The following LTN1 variants were observed in gnomAD, a reference collection of about 807,000 sequenced individuals.
LTN1 encodes the protein E3 ubiquitin-protein ligase listerin.
A neutral mutation model predicts 201.2 loss-of-function variants in LTN1; 88 were observed. That is an observed-to-expected ratio of 0.44 (90% CI 0.37 to 0.52). The LOEUF (loss-of-function observed/expected upper bound fraction) is 0.52. LTN1 is among the 20% of genes least tolerant of loss of function. The pLI is 0.00. For synonymous variants in LTN1, 645 were observed against 713.5 expected, an observed-to-expected ratio of 0.90 and a Z score of 1.53; for missense variants, 1,752 against 2,038.7, an observed-to-expected ratio of 0.86 and a Z score of 2.71.
rs763692146 is a variant in LTN1 at position 28,986,183 on chromosome 21, C to T, written c.301G>A (p.Gly101Arg). The T allele has an allele frequency of 6.2e-6, 10 of 1,613,556 alleles. No homozygotes were observed. Among genetic ancestry groups the T allele is most frequent in the Non-Finnish European group, 8.5e-6 (10 of 1,179,556 alleles). ...ATTCTTGGCCAATATGGAAGAACTC[C>T]TTTCACAGTTTCTGTGTCTCTCTCT... Reference protein sequence around the residue: ...CTERDTETVKGVLPYWPRIFC... With the variant: ...CTERDTETVKRVLPYWPRIFC... The change falls in exon 3 of 30, where the codon GGA becomes AGA. Residue 101 changes from glycine to arginine, a missense_variant. Around this residue, in one of 3 missense-constraint regions of LTN1, gnomAD observed 280 missense variants for 375.7 expected, o/e 0.75. Coordinates refer to ENST00000361371, the MANE Select transcript of LTN1 (RefSeq NM_015565.3). The surrounding 1 kb of genome is among the most constrained non-coding windows in gnomAD (Gnocchi z 4.1).
intron 24 of LTN1, among the ~76,000 whole-genome samples, chr21:28,942,791 T>C (rs1008882491): frequency 4.6e-5 from 7 of 152,134 alleles, no homozygotes; most frequent in Admixed American, 2.0e-4. Context: ...CTATCTTATA[T>C]AGGCCTAACT....
chr21:28,968,019 A>G (rs1360773738), intron 9 of LTN1: 1 of 152,198 alleles, frequency 6.6e-6, no homozygotes, highest in Non-Finnish European at 1.5e-5. Flanking sequence ...CACTCACAGA[A>G]GGTAAAAAAT....
At chr21:28,948,705 G>T (rs2084360925) in intron 18 of LTN1, among the ~76,000 whole-genome samples, 1 of 152,078 alleles carries the variant, frequency 6.6e-6, no homozygotes, top group Non-Finnish European at 1.5e-5. Flanking sequence ...CTGTTTTAAA[G>T]CTACGTAACA....
chr21:28,943,270 CTCT>C lies in LTN1; in HGVS notation c.4284_4286del (p.Glu1429del), dbSNP rs768533180. The stretch of plus-strand genomic sequence containing the variant: ...ATTTAAAAAAACCTTACAAGGCTGG[CTCT>C]TCTTCTTCATCTCCGTATGACTTTA... On this transcript the variant is annotated inframe_deletion, in exon 24 of 30. Transcript: ENST00000361371. 51 of 1,594,196 alleles carry C rather than the reference CTCT, an allele frequency of 3.2e-5. No homozygotes were observed. The highest frequency in any genetic ancestry group is 4.1e-5 in the Non-Finnish European group (48 of 1,165,416).
intron 13 of LTN1, 48 bp from the exon 14 acceptor site, chr21:28,958,587 C>A (rs780116598): frequency 5.2e-6 from 7 of 1,349,234 alleles, no homozygotes; most frequent in Non-Finnish European, 7.2e-6. Flanking sequence ...TGAATTAACT[C>A]TCATCAGCAC....
intron 5 of LTN1, among the ~76,000 whole-genome samples, chr21:28,982,017 C>G (rs1489673699): frequency 6.6e-6 from 1 of 152,166 alleles, no homozygotes; most frequent in East Asian, 1.9e-4. Context: ...GAGTTCGAGA[C>G]TAGCTTGACC....
At chr21:28,980,399 G>T (rs8127998) in intron 6 of LTN1, among the ~76,000 whole-genome samples, 2,732 of 107,582 alleles carry the variant, frequency 0.025, 111 homozygotes, top group African/African-American at 0.092. Flanking sequence ...ATGGTGGGGT[G>T]GGGGGAGGGG....
At chr21:28,958,276 C>T (rs1234262553) in intron 14 of LTN1, 110 bp downstream of exon 14, 18 of 1,006,090 alleles carry the variant, frequency 1.8e-5, no homozygotes, top group East Asian at 1.6e-4. Context: ...ATTATAGGGA[C>T]GAGCCCTACA....
rs763543337 is a variant in LTN1 at position 28,986,307 on chromosome 21, G to A, written c.247-70C>T. On this transcript the variant is annotated intron_variant, in intron 2 of 29. Coordinates refer to ENST00000361371, the MANE Select transcript of LTN1 (RefSeq NM_015565.3). The surrounding 1 kb of genome is among the most constrained non-coding windows in gnomAD (Gnocchi z 4.1). ...ACTGGCTATAGATTATTCTGTTCTG[G>A]AAGCTTTGTCTATTTTATGTAATAG... is the stretch of plus-strand genomic sequence containing the variant. 4 of 943,024 alleles carry A rather than the reference G, an allele frequency of 4.2e-6. No individual in the cohort carries two copies. The African/African-American group carries it at 4.9e-5, about 12-fold the overall frequency. 58.4% of individuals were successfully genotyped at this position (943,024 alleles called of 1,614,324 possible).
chr21:28,935,366 T>A, intron 26 of LTN1, 37 bp from the exon 27 acceptor site: 1 of 1,229,458 alleles, frequency 8.1e-7, no homozygotes, highest in Non-Finnish European at 1.2e-6. Context: ...GTAACATATA[T>A]TTCTTATATA....
chr21:28,981,732 CCTA>C (rs2084660058), intron 5 of LTN1, among the ~76,000 whole-genome samples: 1 of 152,190 alleles, frequency 6.6e-6, no homozygotes, highest in Non-Finnish European at 1.5e-5. Flanking sequence ...AATACTTCCT[CCTA>C]CAACTGTCAA....
chr21:28,949,041 T>C (rs983139745), intron 18 of LTN1, among the ~76,000 whole-genome samples: 4 of 152,226 alleles, frequency 2.6e-5, no homozygotes, highest in African/African-American at 9.6e-5. Context: ...TTAATGAATC[T>C]TTTTGATTCT....
chr21:28,968,859 G>A (rs1043786121), intron 9 of LTN1, among the ~76,000 whole-genome samples: 3 of 151,434 alleles, frequency 2.0e-5, no homozygotes, highest in Middle Eastern at 3.2e-3. Context: ...CACCCACCTC[G>A]GCCTTCCAAA....
intron 24 of LTN1, among the ~76,000 whole-genome samples, chr21:28,941,916 G>T (rs983965355): frequency 6.6e-6 from 1 of 152,070 alleles, no homozygotes; most frequent in Admixed American, 6.6e-5. Context: ...AAAAAATCAT[G>T]ATTGTAATCT....
In LTN1 at chr21:28,992,867, T is replaced by A; in HGVS notation, c.-62A>T. 1 of 1,613,444 alleles carries A rather than the reference T, an allele frequency of 6.2e-7. No homozygotes were observed. Among genetic ancestry groups the A allele is most frequent in the South Asian group, 1.1e-5 (1 of 90,958 alleles). ...CCGGTTGACACGTCCGGGACACAAC[T>A]TCCGGCTTCTGGCGGCGGAAGAGGA... On this transcript the variant is annotated 5_prime_UTR_variant, in exon 1 of 30. The change creates a new upstream start codon in the 5' untranslated region. Transcript: ENST00000361371.
chr21:28,935,839 C>CA (rs1190416524), intron 26 of LTN1, among the ~76,000 whole-genome samples: 15,707 of 78,410 alleles, frequency 0.2, 1,301 homozygotes, highest in South Asian at 0.26. Flanking sequence ...GACTCCGTCT[C>CA]AAAAAAAAAA....
Position 28,935,324 on chromosome 21 carries a change from T to A in LTN1, c.4660A>T (p.Thr1554Ser), listed in dbSNP as rs762117493. ...TGTGGAATGTGGTATGGAAGCATTG[T>A]TGTTTCTGAGGAAAAAACAAATTAT... ...EELQLSIRET[T>S]MLPYHIPHLA... The change falls in exon 27 of 30, where the codon ACA (threonine) becomes TCA (serine). Residue 1554 changes from threonine (T) to serine (S), a missense_variant. Physicochemically the swap from Thr to Ser is moderately conservative, Grantham distance 58 (BLOSUM62 1). Coordinates refer to ENST00000361371, the MANE Select transcript of LTN1 (RefSeq NM_015565.3). 6.2e-7 allele frequency: 1 copy of A among 1,610,120 alleles called. No homozygotes were observed. The highest frequency in any genetic ancestry group is 8.5e-7 in the Non-Finnish European group (1 of 1,177,062).
At chr21:28,957,188 T>C in intron 15 of LTN1, 144 bp downstream of exon 15, 2 of 808,790 alleles carry the variant, frequency 2.5e-6, no homozygotes, top group South Asian at 2.2e-5. Context: ...AAAGCAAACA[T>C]CCAGTATATG....
intron 18 of LTN1, among the ~76,000 whole-genome samples, chr21:28,948,883 C>G (rs1250953338): frequency 6.6e-6 from 1 of 152,126 alleles, no homozygotes; most frequent in Non-Finnish European, 1.5e-5. Context: ...GTATAAACAC[C>G]TCTTTAGGCT....
Sources: gnomAD v4.1 joint callset for allele counts (sites outside exome capture counted in the v4.1 genomes callset) on GRCh38, gnomAD v4.1.1 for gene constraint, gnomAD v4.1.1 regional missense constraint, Gnocchi (gnomAD v3.1) non-coding constraint, MANE v1.5 for transcripts, NCBI Gene and HGNC (gene_info 2026-07-23, HGNC 2026-07-21) for gene names.